The following TRA2A variants were observed in gnomAD, a reference collection of about 807,000 sequenced individuals.
TRA2A encodes the protein transformer-2 protein homolog alpha.
TRA2A carries 31 observed loss-of-function variants against 45.7 expected under a neutral mutation model. The ratio of observed to expected loss-of-function variants is 0.68; its 90% CI spans 0.51 to 0.92. The LOEUF is 0.92. Ranked by LOEUF, TRA2A falls within the 40% of genes least tolerant of loss-of-function variation. The pLI is 0.00. For synonymous variants in TRA2A, 132 were observed against 126.2 expected, an observed-to-expected ratio of 1.05 and a Z score of -0.31; for missense variants, 304 against 367.5, an observed-to-expected ratio of 0.83 and a Z score of 1.41.
chr7:23,518,772 C>T (rs967506328), intron 2 of TRA2A, among the ~76,000 whole-genome samples: 1 of 151,658 alleles, frequency 6.6e-6, no homozygotes, highest in Admixed American at 6.6e-5. Context: ...GCAACCTCCA[C>T]TTCCTGGGTT....
At chr7:23,508,575 G>C (rs1554345153) in intron 4 of TRA2A, among the ~76,000 whole-genome samples, 1 of 152,076 alleles carries the variant, frequency 6.6e-6, no homozygotes, top group Non-Finnish European at 1.5e-5. Context: ...GTTCACTGCA[G>C]CCTCTGCCTC....
At position 23,531,878 on chromosome 7, in the gene TRA2A, C is replaced by A. The variant is rs1199187931; in HGVS notation, c.-54G>T. The A allele has an allele frequency of 1.0e-5, 16 of 1,599,532 alleles. No homozygotes were observed. The highest frequency in any genetic ancestry group is 1.4e-5 in the Non-Finnish European group (16 of 1,169,846). ...AAGAGACAAGTCTCGGCTCGAGGGC[C>A]GATGGCCTAATTAACCCGCTGACTG... is the stretch of plus-strand genomic sequence containing the variant. On this transcript the variant is annotated 5_prime_UTR_variant, in exon 1 of 8. Coordinates refer to ENST00000297071, the MANE Select transcript of TRA2A (RefSeq NM_013293.5).
chr7:23,515,686 C>T (rs1482849125), intron 3 of TRA2A, among the ~76,000 whole-genome samples: 1 of 152,030 alleles, frequency 6.6e-6, no homozygotes, highest in Non-Finnish European at 1.5e-5. Flanking sequence ...GTTGAGATTA[C>T]AGGCGTAAGC....
At chr7:23,518,268 A>T (rs1789976879) in intron 2 of TRA2A, among the ~76,000 whole-genome samples, 1 of 151,542 alleles carries the variant, frequency 6.6e-6, no homozygotes, top group African/African-American at 2.4e-5. Flanking sequence ...TCCATTTCCA[A>T]TTCTTCTTTA....
At chr7:23,525,268 T>C (rs905118822) in intron 1 of TRA2A, among the ~76,000 whole-genome samples, 1 of 152,182 alleles carries the variant, frequency 6.6e-6, no homozygotes, top group Non-Finnish European at 1.5e-5. Context: ...CTCAAAGAAA[T>C]TCATAAAACT....
intron 1 of TRA2A, among the ~76,000 whole-genome samples, chr7:23,528,703 T>C (rs1448817850): frequency 6.6e-6 from 1 of 151,542 alleles, no homozygotes; most frequent in Non-Finnish European, 1.5e-5. Flanking sequence ...AGTCTTGCTC[T>C]GTCGCCCAGG....
chr7:23,529,753 A>T (rs1401285090), intron 1 of TRA2A, among the ~76,000 whole-genome samples: 1 of 152,174 alleles, frequency 6.6e-6, no homozygotes, highest in Non-Finnish European at 1.5e-5. Context: ...TGTGAAAAAA[A>T]TATTTCCTAT....
chr7:23,516,093 T>C (rs1352443432), intron 3 of TRA2A, among the ~76,000 whole-genome samples: 2 of 151,832 alleles, frequency 1.3e-5, no homozygotes, highest in Non-Finnish European at 2.9e-5. Context: ...TGAGTCGAAA[T>C]TGCACCCCTG....
chr7:23,522,018 A>G (rs1026523893), intron 1 of TRA2A, 178 bp from the exon 2 acceptor site: 1 of 1,403,906 alleles, frequency 7.1e-7, no homozygotes, highest in Non-Finnish European at 9.3e-7. Flanking sequence ...AACTGTCCTC[A>G]ATAATTCCCT....
intron 1 of TRA2A, 191 bp downstream of exon 1, chr7:23,531,598 G>A: frequency 4.8e-6 from 3 of 620,910 alleles, no homozygotes; most frequent in Non-Finnish European, 8.4e-6. Flanking sequence ...AAAAGGGGGA[G>A]GGGTGTTATC....
chr7:23,530,902 A>C (rs1474120685), intron 1 of TRA2A, among the ~76,000 whole-genome samples: 3 of 146,560 alleles, frequency 2.0e-5, no homozygotes, highest in Non-Finnish European at 4.5e-5. Context: ...AGATTAAAGA[A>C]AGACAGATTT....
rs1452687009 is a variant in TRA2A, at chr7:23,507,488, C to T, written c.573G>A (p.Arg191=). The change falls in exon 5 of 8, where the codon CGG becomes CGA. Residue 191 remains arginine (R), a synonymous_variant. Transcript: ENST00000297071. ...NGMELDGRRI[R]VDYSITKRAH... is the part of the protein sequence containing the mutation. ...CTCTCTTGGTTATAGAATAATCCAC[C>T]CGAATTCTTCTACCATCCAGCTCCA... 18 of 1,614,004 alleles carry T rather than the reference C, an allele frequency of 1.1e-5. No individual in the cohort carries two copies. The highest frequency in any genetic ancestry group is 1.4e-5 in the Non-Finnish European group (16 of 1,180,030).
At chr7:23,508,555 C>T (rs1584108317) in intron 4 of TRA2A, among the ~76,000 whole-genome samples, 1 of 152,180 alleles carries the variant, frequency 6.6e-6, no homozygotes, top group African/African-American at 2.4e-5. Context: ...AGTGCAATGG[C>T]GTGACCTCGG....
chr7:23,524,375 G>T (rs1790257061), intron 1 of TRA2A, among the ~76,000 whole-genome samples: 1 of 152,012 alleles, frequency 6.6e-6, no homozygotes, highest in Non-Finnish European at 1.5e-5. Flanking sequence ...ATAGAGATGG[G>T]GTTTTCCCAT....
rs1236014242 is a variant in TRA2A at position 23,507,415 on chromosome 7, C to G, written c.641+5G>C. On this transcript the variant is annotated splice_donor_5th_base_variant and intron_variant, in intron 5 of 7. Coordinates refer to ENST00000297071, the MANE Select transcript of TRA2A (RefSeq NM_013293.5). ...TAGTTTAGCTTAGGAAACTTGAACTCTTACTGAGTTGGTCTGCCCATGTAG... is the reference window on the plus strand; with the variant it reads ...TAGTTTAGCTTAGGAAACTTGAACTGTTACTGAGTTGGTCTGCCCATGTAG... 1 of 1,610,260 alleles carries G rather than the reference C, an allele frequency of 6.2e-7. No homozygotes were observed. The highest frequency in any genetic ancestry group is 1.7e-5 in the Admixed American group (1 of 59,882).
intron 1 of TRA2A, among the ~76,000 whole-genome samples, chr7:23,528,836 A>G (rs568356909): frequency 6.6e-6 from 1 of 152,052 alleles, no homozygotes; most frequent in African/African-American, 2.4e-5. Flanking sequence ...CAGGGCCTGT[A>G]GGAGTCTCTC....
intron 5 of TRA2A, 122 bp from the exon 6 acceptor site, chr7:23,506,388 G>T: frequency 8.1e-7 from 1 of 1,232,410 alleles, no homozygotes; most frequent in Non-Finnish European, 1.1e-6. Context: ...ATGAGAAATT[G>T]CCTCCGTATC....
At chr7:23,510,389 G>A (rs1431013994) in intron 4 of TRA2A, among the ~76,000 whole-genome samples, 2 of 152,140 alleles carry the variant, frequency 1.3e-5, no homozygotes, top group Non-Finnish European at 2.9e-5. Flanking sequence ...GAGTGAAGTG[G>A]CACAAACTTA....
At chr7:23,517,477 C>CAAAAAAAAAACAAAAAAAAAAAAAA (rs1789930607) in intron 2 of TRA2A, among the ~76,000 whole-genome samples, 1 of 13,940 alleles carries the variant, frequency 7.2e-5, no homozygotes, top group Non-Finnish European at 1.8e-4. Context: ...GACTACGTCT[C>CAAAAAAAAAACAAAAAAAAAAAAAA]AAAAAAAAAA....
Sources: gnomAD v4.1 joint callset for allele counts (sites outside exome capture counted in the v4.1 genomes callset) on GRCh38, gnomAD v4.1.1 for gene constraint, MANE v1.5 for transcripts, NCBI Gene and HGNC (gene_info 2026-07-23, HGNC 2026-07-21) for gene names.